The following EPHA3 variants were observed in gnomAD, a reference collection of about 807,000 sequenced individuals.
The protein encoded by EPHA3 is EPH receptor A3.
In EPHA3, 42 loss-of-function variants were observed where a neutral mutation model predicts 107.1. That is an observed-to-expected ratio of 0.39 (90% CI 0.31 to 0.51). The LOEUF (loss-of-function observed/expected upper bound fraction) is 0.51, where lower values mean the gene tolerates loss of function less well. EPHA3 is among the 20% of genes least tolerant of loss of function. The pLI, the probability that EPHA3 is intolerant of heterozygous loss-of-function variation, is 0.78. For synonymous variants in EPHA3, 461 were observed against 424.8 expected (o/e 1.09, Z -1.05); for missense variants, 1,183 against 1,211.2 (o/e 0.98, Z 0.35).
At chr3:89,394,148 T>C (rs1263932477) in intron 5 of EPHA3, among the ~76,000 whole-genome samples, 2 of 152,200 alleles carry the variant, frequency 1.3e-5, no homozygotes, top group Non-Finnish European at 2.9e-5. Flanking sequence ...TGGTGGTTCA[T>C]GCCTGTAATT....
At chr3:89,253,701 A>G (rs554465793) in intron 3 of EPHA3, among the ~76,000 whole-genome samples, 1 of 152,250 alleles carries the variant, frequency 6.6e-6, no homozygotes, top group East Asian at 1.9e-4. Flanking sequence ...TAGCTTACAC[A>G]CTGAGTTTAG....
At chr3:89,212,728 G>C (rs1381691750) in intron 3 of EPHA3, among the ~76,000 whole-genome samples, 1 of 151,798 alleles carries the variant, frequency 6.6e-6, no homozygotes, top group African/African-American at 2.4e-5. Flanking sequence ...GATAGCAGAA[G>C]GTTACTATAA....
At chr3:89,136,330 C>CTTTTTTTTATTTTTTT (rs1704310510) in intron 2 of EPHA3, among the ~76,000 whole-genome samples, 1 of 23,370 alleles carries the variant, frequency 4.3e-5, no homozygotes. Context: ...ATCTTACAGG[C>CTTTTTTTTATTTTTTT]TTTTTTTTTT....
chr3:89,448,951 A>G (rs1405831923), intron 13 of EPHA3, among the ~76,000 whole-genome samples: 2 of 152,008 alleles, frequency 1.3e-5, no homozygotes, highest in African/African-American at 2.4e-5. Flanking sequence ...TTAACCTGCC[A>G]TAGTTGATAT....
chr3:89,338,783 T>C (rs1707451428), intron 3 of EPHA3, among the ~76,000 whole-genome samples: 1 of 152,100 alleles, frequency 6.6e-6, no homozygotes, highest in South Asian at 2.1e-4. Flanking sequence ...TCCTGACTTT[T>C]ATGGTTTTTA....
chr3:89,434,042 C>G (rs1335297443), intron 13 of EPHA3, among the ~76,000 whole-genome samples: 1 of 152,022 alleles, frequency 6.6e-6, no homozygotes, highest in Non-Finnish European at 1.5e-5. Context: ...TTCTAAGAGT[C>G]CATGAAAAGT....
rs534637974 is a variant in EPHA3 at position 89,386,618 on chromosome 3, C to T, written c.1307-9219C>T. ...CAGTGCAGTAGGGAAATGTGGGGTCCCCAGTGGGGCACTGCCTAGTGAAGC... is the reference window on the plus strand; with the variant it reads ...CAGTGCAGTAGGGAAATGTGGGGTCTCCAGTGGGGCACTGCCTAGTGAAGC... On this transcript the variant is annotated intron_variant, in intron 5 of 16. Transcript: ENST00000336596. Among the ~76,000 whole-genome samples, 4 of 152,280 alleles carry T rather than the reference C, an allele frequency of 2.6e-5. No individual in the cohort carries two copies. In the East Asian group the frequency reaches 7.7e-4, roughly 29 times the overall value.
intron 3 of EPHA3, among the ~76,000 whole-genome samples, chr3:89,275,630 T>C (rs1705786207): frequency 6.6e-6 from 1 of 152,084 alleles, no homozygotes; most frequent in Non-Finnish European, 1.5e-5. Flanking sequence ...CCAGATTCTT[T>C]TCCAACACCA....
In EPHA3 at chr3:89,352,795, C is replaced by T. The variant is rs567806574; in HGVS notation, c.1306+10705C>T. Among the ~76,000 whole-genome samples, 229 of 147,810 alleles carry T rather than the reference C, an allele frequency of 1.5e-3. 5 individuals carry two copies. Among genetic ancestry groups the T allele is most frequent in the Middle Eastern group, 3.5e-3 (1 of 284 alleles). ...GCAGGTGCCTGTAATTCCAGCTACACGGGAGGCTGAGGCAGGAGAATTGCT... is the reference window on the plus strand; with the variant it reads ...GCAGGTGCCTGTAATTCCAGCTACATGGGAGGCTGAGGCAGGAGAATTGCT... On this transcript the variant is annotated intron_variant, in intron 5 of 16. Transcript: ENST00000336596.
At chr3:89,467,174 T>A (rs1342693183) in intron 15 of EPHA3, among the ~76,000 whole-genome samples, 1 of 152,126 alleles carries the variant, frequency 6.6e-6, no homozygotes, top group Non-Finnish European at 1.5e-5. Context: ...AATATAAGAT[T>A]TTCCCCCTGA....
chr3:89,198,004 G>A (rs114959514), intron 2 of EPHA3, among the ~76,000 whole-genome samples: 2,066 of 152,004 alleles, frequency 0.014, 50 homozygotes, highest in African/African-American at 0.048. Flanking sequence ...AAATAAATAT[G>A]CAAAGCAGCC....
chr3:89,416,053 A>G (rs748259710), intron 10 of EPHA3, among the ~76,000 whole-genome samples: 17 of 151,446 alleles, frequency 1.1e-4, no homozygotes, highest in Non-Finnish European at 1.9e-4. Context: ...TGTTTTTATT[A>G]TGCTTACTTT....
At chr3:89,203,260 G>T (rs1261855827) in intron 2 of EPHA3, among the ~76,000 whole-genome samples, 2 of 135,422 alleles carry the variant, frequency 1.5e-5, no homozygotes, top group African/African-American at 2.8e-5. Flanking sequence ...TGTTGTTGTT[G>T]TTTTTTTTTT....
chr3:89,126,654 G>A (rs1435775907), intron 1 of EPHA3, among the ~76,000 whole-genome samples: 3 of 151,428 alleles, frequency 2.0e-5, no homozygotes, highest in Non-Finnish European at 3.0e-5. Flanking sequence ...TGGTAGTTAA[G>A]CTTTTTGTGT....
intron 3 of EPHA3, among the ~76,000 whole-genome samples, chr3:89,242,036 A>C (rs1243278274): frequency 6.6e-6 from 1 of 152,212 alleles, no homozygotes; most frequent in Non-Finnish European, 1.5e-5. Context: ...TAAAATGCTG[A>C]TCTCAAACCT....
rs373083544 is a variant in EPHA3, at chr3:89,387,838, G to A, written c.1307-7999G>A. ...TTTTTAAAATTTTTTATTTCTCCAC[G>A]CTGAGAAAAGGATAAGATTATAAAT... On this transcript the variant is annotated intron_variant, in intron 5 of 16. Transcript: ENST00000336596. 9.9e-5 allele frequency among the ~76,000 whole-genome samples: 15 copies of A among 151,876 alleles called. No homozygotes were observed. The South Asian group carries it at 1.0e-3, about 11-fold the overall frequency.
At chr3:89,138,171 T>G (rs745360477) in intron 2 of EPHA3, among the ~76,000 whole-genome samples, 5 of 151,812 alleles carry the variant, frequency 3.3e-5, no homozygotes, top group Non-Finnish European at 5.9e-5. Flanking sequence ...ACTGTTGATA[T>G]TTTTAAAATA....
intron 1 of EPHA3, among the ~76,000 whole-genome samples, chr3:89,111,716 C>T (rs920488460): frequency 1.3e-5 from 2 of 152,052 alleles, no homozygotes; most frequent in East Asian, 1.9e-4. Flanking sequence ...TTTGTAACCT[C>T]TCAAAATCTA....
chr3:89,334,757 G>A (rs947937725), intron 3 of EPHA3, among the ~76,000 whole-genome samples: 2 of 152,100 alleles, frequency 1.3e-5, no homozygotes, highest in African/African-American at 4.8e-5. Flanking sequence ...ATTTATAGAA[G>A]AGGAAGTCAC....
Sources: gnomAD v4.1 joint callset for allele counts (sites outside exome capture counted in the v4.1 genomes callset) on GRCh38, gnomAD v4.1.1 for gene constraint, MANE v1.5 for transcripts, NCBI Gene and HGNC (gene_info 2026-07-23, HGNC 2026-07-21) for gene names.